KLHL13: variants seen among roughly 807,000 people sequenced by gnomAD.
KLHL13 encodes kelch like family member 13.
Under a neutral mutation model 37.1 loss-of-function variants are expected in KLHL13, and 10 were observed. The ratio of observed to expected loss-of-function variants is 0.27; its 90% CI spans 0.17 to 0.46. The LOEUF (loss-of-function observed/expected upper bound fraction) is 0.46. Ranked by LOEUF, KLHL13 falls within the 20% of genes least tolerant of loss-of-function variation. The pLI is 1.00. For missense variants in KLHL13, 360 were observed against 509.3 expected (o/e 0.71, Z 2.82); for synonymous variants, 163 against 181.2 (o/e 0.90, Z 0.81).
chrX:118,083,252 A>G (rs1168159090), intron 1 of KLHL13, among the ~76,000 whole-genome samples: 1 of 111,740 alleles, frequency 8.9e-6, no homozygotes, highest in Non-Finnish European at 1.9e-5. Context: ...CCAAGTATAT[A>G]TATGTATCTA....
intron 1 of KLHL13, among the ~76,000 whole-genome samples, chrX:118,086,712 A>G (rs899184077): frequency 3.6e-5 from 4 of 111,969 alleles, no homozygotes; most frequent in African/African-American, 1.3e-4. Flanking sequence ...AAGCAAAGTA[A>G]ATAAACAAAA....
chrX:117,908,716 T>A (rs1341288126), intron 5 of KLHL13, among the ~76,000 whole-genome samples: 1 of 111,911 alleles, frequency 8.9e-6, no homozygotes, highest in Non-Finnish European at 1.9e-5. Flanking sequence ...GATGGGCTTA[T>A]GGAAAAGAAA....
chrX:117,977,269 A>C (rs1235803400), upstream of KLHL13, among the ~76,000 whole-genome samples: 1 of 112,309 alleles, frequency 8.9e-6, no homozygotes, highest in Non-Finnish European at 1.9e-5. Context: ...CCAAAATCTT[A>C]ATTCCAGAAG....
intron 2 of KLHL13, among the ~76,000 whole-genome samples, chrX:117,942,135 T>C (rs1175441582): frequency 8.9e-6 from 1 of 111,790 alleles, no homozygotes; most frequent in Non-Finnish European, 1.9e-5. Context: ...CCTATATTTG[T>C]ATGGTTTTGA....
At chrX:117,978,616 G>A (rs182656729), upstream of KLHL13, among the ~76,000 whole-genome samples, 39 of 110,857 alleles carry the variant, frequency 3.5e-4, no homozygotes, top group African/African-American at 1.2e-3. Context: ...AATACAGAGA[G>A]ACTGAGCAGA....
intron 1 of KLHL13, among the ~76,000 whole-genome samples, chrX:118,037,877 T>C (rs1279344419): frequency 9.0e-6 from 1 of 111,686 alleles, no homozygotes; most frequent in East Asian, 2.8e-4. Flanking sequence ...CCAGACAATG[T>C]CTATGAGGAT....
rs182388591 is a variant in KLHL13, at chrX:118,111,894, C to T, written c.-56+4614G>A. On this transcript the variant is annotated intron_variant, in intron 1 of 6. Coordinates refer to the KLHL13 transcript ENST00000371882. ...ACGATAGAGTGAGAGAGCGAGACTC[C>T]GTCTAAAAAAAAGAAAAAGAAAAAG... is the stretch of plus-strand genomic sequence containing the variant. Among the ~76,000 whole-genome samples, 28 of 110,771 alleles carry T rather than the reference C, an allele frequency of 2.5e-4. No homozygotes were observed. The East Asian group carries it at 7.4e-3, about 29-fold the overall frequency.
chrX:118,067,336 T>C (rs1192498831), intron 1 of KLHL13, among the ~76,000 whole-genome samples: 1 of 110,714 alleles, frequency 9.0e-6, no homozygotes, highest in East Asian at 2.8e-4. Context: ...GGAAGTTGGT[T>C]GCTCTGAGTG....
chrX:118,011,252 C>T (rs1030715555), intron 1 of KLHL13, among the ~76,000 whole-genome samples: 1 of 109,138 alleles, frequency 9.2e-6, no homozygotes, highest in Admixed American at 9.9e-5. Flanking sequence ...TATGAGGGAA[C>T]GGGTCATCTT....
intron 2 of KLHL13, among the ~76,000 whole-genome samples, chrX:117,921,388 G>A (rs1416834024): frequency 2.7e-5 from 3 of 111,232 alleles, no homozygotes; most frequent in Admixed American, 9.6e-5. Context: ...TTTATTTGTC[G>A]ATTAAGAATA....
chrX:118,038,161 C>T, intron 1 of KLHL13, among the ~76,000 whole-genome samples: 2 of 111,739 alleles, frequency 1.8e-5, no homozygotes, highest in South Asian at 3.7e-4. Context: ...CTAGAAGTGT[C>T]AATGTAGGAA....
chrX:117,997,691 C>A (rs2053870830), intron 1 of KLHL13, among the ~76,000 whole-genome samples: 1 of 111,470 alleles, frequency 9.0e-6, no homozygotes, highest in African/African-American at 3.3e-5. Flanking sequence ...TGGAAATAAT[C>A]CATGAATCCT....
At chrX:118,085,321 T>C (rs771498197) in intron 1 of KLHL13, among the ~76,000 whole-genome samples, 1 of 111,148 alleles carries the variant, frequency 9.0e-6, no homozygotes, top group Admixed American at 9.6e-5. Context: ...ATAACATGTC[T>C]AGAATAAGCA....
At chrX:118,038,024 G>C (rs761356598) in intron 1 of KLHL13, among the ~76,000 whole-genome samples, 16 of 112,248 alleles carry the variant, frequency 1.4e-4, no homozygotes, top group African/African-American at 4.9e-4. Context: ...GTAGCATGTA[G>C]AGAATAAGGA....
chrX:118,075,687 A>G (rs962405162), intron 1 of KLHL13, among the ~76,000 whole-genome samples: 15 of 111,734 alleles, frequency 1.3e-4, no homozygotes, highest in African/African-American at 4.6e-4. Context: ...GAGGAAAAAG[A>G]AAATCATGTA....
chrX:118,024,720 G>C (rs1457467485), intron 1 of KLHL13, among the ~76,000 whole-genome samples: 1 of 111,796 alleles, frequency 8.9e-6, no homozygotes, highest in Non-Finnish European at 1.9e-5. Context: ...TAAAATTAAA[G>C]AAGCTAACAA....
chrX:118,006,969 G>A (rs1452508525), intron 1 of KLHL13, among the ~76,000 whole-genome samples: 4 of 111,380 alleles, frequency 3.6e-5, no homozygotes, highest in Admixed American at 2.9e-4. Context: ...AACATTAAGG[G>A]GCAGGCATTG....
intron 1 of KLHL13, among the ~76,000 whole-genome samples, chrX:118,055,056 A>G (rs1279830051): frequency 1.8e-5 from 2 of 111,744 alleles, no homozygotes; most frequent in Non-Finnish European, 1.9e-5. Flanking sequence ...CCATGTTACT[A>G]AATTAGGTCA....
At chrX:117,989,812 A>T (rs1274564529) in intron 1 of KLHL13, among the ~76,000 whole-genome samples, 1 of 111,420 alleles carries the variant, frequency 9.0e-6, no homozygotes, top group Non-Finnish European at 1.9e-5. Context: ...ACTTTCCCTC[A>T]CATCCCTTAG....
Sources: gnomAD v4.1 joint callset for allele counts (sites outside exome capture counted in the v4.1 genomes callset) on GRCh38, gnomAD v4.1.1 for gene constraint, MANE v1.5 for transcripts, NCBI Gene and HGNC (gene_info 2026-07-23, HGNC 2026-07-21) for gene names.